HTR7: variants seen among roughly 807,000 people sequenced by gnomAD.
The protein encoded by HTR7 is 5-HT-7.
A neutral mutation model predicts 34.0 loss-of-function variants in HTR7; 16 were observed. That is an observed-to-expected ratio of 0.47 (90% CI 0.32 to 0.71). HTR7 has a LOEUF of 0.71. Ranked by LOEUF, HTR7 falls within the 30% of genes least tolerant of loss-of-function variation. The probability of loss-of-function intolerance (pLI) is 0.04; values close to 1 mark genes in which losing one functional copy is unlikely to be tolerated. For missense variants in HTR7, 504 were observed against 625.5 expected (o/e 0.81, Z 2.07); for synonymous variants, 265 against 260.2 (o/e 1.02, Z -0.18).
intron 1 of HTR7, among the ~76,000 whole-genome samples, chr10:90,776,034 T>C (rs1398485674): frequency 6.6e-6 from 1 of 152,266 alleles, no homozygotes; most frequent in Non-Finnish European, 1.5e-5. Flanking sequence ...GTTTGCATTC[T>C]ATTTCTTGCA....
At position 90,856,376 on chromosome 10, in the gene HTR7, G is replaced by A. The variant is rs1257669636; in HGVS notation, c.539+757C>T. On this transcript the variant is annotated intron_variant, in intron 1 of 3. Coordinates refer to ENST00000336152, the MANE Select transcript of HTR7 (RefSeq NM_019859.4). ...CCTTACAGCCTGAAGAAACCCTGTG[G>A]GTCTCCTAGTTCAATATGACACCCA... 1.3e-5 allele frequency among the ~76,000 whole-genome samples: 2 copies of A among 152,078 alleles called. 1 individual carries two copies. Among genetic ancestry groups the A allele is most frequent in the African/African-American group, 4.8e-5 (2 of 41,378 alleles).
chr10:90,804,200 C>A (rs114607319), intron 1 of HTR7, among the ~76,000 whole-genome samples: 2,781 of 152,210 alleles, frequency 0.018, 81 homozygotes, highest in African/African-American at 0.064. Flanking sequence ...CCCGCACCAT[C>A]CCCTTTCCAG....
At chr10:90,824,326 A>G (rs1846034688) in intron 1 of HTR7, among the ~76,000 whole-genome samples, 1 of 152,148 alleles carries the variant, frequency 6.6e-6, no homozygotes, top group South Asian at 2.1e-4. Context: ...AGGATTAATA[A>G]CCTCCTGACT....
At chr10:90,832,278 G>A (rs1267515377) in intron 1 of HTR7, among the ~76,000 whole-genome samples, 1 of 152,208 alleles carries the variant, frequency 6.6e-6, no homozygotes, top group African/African-American at 2.4e-5. Flanking sequence ...GGTGGGTGTA[G>A]GGGAGACCCA....
At chr10:90,802,664 C>G (rs1337086481) in intron 1 of HTR7, among the ~76,000 whole-genome samples, 1 of 152,178 alleles carries the variant, frequency 6.6e-6, no homozygotes, top group East Asian at 1.9e-4. Flanking sequence ...CTTTAAAGAG[C>G]AAAATCTGAC....
At chr10:90,807,894 C>A in intron 1 of HTR7, among the ~76,000 whole-genome samples, 1 of 152,146 alleles carries the variant, frequency 6.6e-6, no homozygotes. Flanking sequence ...GAGTAAGCGG[C>A]CTCTTCTTAC....
chr10:90,744,300 G>C (rs1397823083), intron 2 of HTR7, among the ~76,000 whole-genome samples: 1 of 150,110 alleles, frequency 6.7e-6, no homozygotes, highest in Non-Finnish European at 1.5e-5. Context: ...GACTTCAACT[G>C]TCCCTTACTC....
In HTR7 at chr10:90,748,940, C is replaced by T; in HGVS notation, c.1194G>A (p.Leu398=). Reference sequence around the variant, plus strand: ...TGATATTCCGGTACTGGCACTGGAGCAGGCTGCGATAGGTGGTCCTCAGGT... The same window carrying T: ...TGATATTCCGGTACTGGCACTGGAGTAGGCTGCGATAGGTGGTCCTCAGGT... ...NRDLRTTYRS[L]LQCQYRNINR... The change falls in exon 2 of 4, where the codon CTG becomes CTA. Residue 398 remains leucine, a synonymous_variant. Transcript: ENST00000336152. 1 of 1,614,146 alleles carries T rather than the reference C, an allele frequency of 6.2e-7. No individual in the cohort carries two copies. The highest frequency in any genetic ancestry group is 8.5e-7 in the Non-Finnish European group (1 of 1,180,010).
At chr10:90,799,587 G>A (rs1215782296) in intron 1 of HTR7, among the ~76,000 whole-genome samples, 1 of 152,008 alleles carries the variant, frequency 6.6e-6, no homozygotes, top group Non-Finnish European at 1.5e-5. Flanking sequence ...ATCATCTCCT[G>A]TACCCCTCAA....
chr10:90,759,933 A>T (rs1016577222), intron 1 of HTR7, among the ~76,000 whole-genome samples: 1 of 152,222 alleles, frequency 6.6e-6, no homozygotes, highest in African/African-American at 2.4e-5. Context: ...GTTTATACAA[A>T]TCCAACCTCC....
At chr10:90,799,025 A>G (rs1845582750) in intron 1 of HTR7, among the ~76,000 whole-genome samples, 1 of 152,220 alleles carries the variant, frequency 6.6e-6, no homozygotes, top group Admixed American at 6.5e-5. Context: ...CCTGGGGATA[A>G]CATCACTATT....
intron 1 of HTR7, among the ~76,000 whole-genome samples, chr10:90,788,371 TC>T (rs1845414125): frequency 6.6e-6 from 1 of 152,164 alleles, no homozygotes; most frequent in African/African-American, 2.4e-5. Context: ...TTCTGGAAAA[TC>T]CATGATTATG....
intron 1 of HTR7, among the ~76,000 whole-genome samples, chr10:90,839,566 TGA>T (rs1846297960): frequency 2.6e-5 from 4 of 152,302 alleles, no homozygotes; most frequent in Non-Finnish European, 5.9e-5. Context: ...ACAGAGGCCA[TGA>T]TGAAAGTGAT....
chr10:90,807,148 T>G (rs1482833334), intron 1 of HTR7, among the ~76,000 whole-genome samples: 1 of 152,196 alleles, frequency 6.6e-6, no homozygotes. Context: ...ATGTGTAGGT[T>G]GATGCAGGAC....
chr10:90,835,012 G>A (rs953795524), intron 1 of HTR7, among the ~76,000 whole-genome samples: 6 of 152,172 alleles, frequency 3.9e-5, no homozygotes, highest in Non-Finnish European at 8.8e-5. Context: ...TTCCCTGGAA[G>A]AAGAATCAAG....
intron 1 of HTR7, among the ~76,000 whole-genome samples, chr10:90,830,100 A>T (rs528666050): frequency 6.6e-6 from 1 of 152,324 alleles, no homozygotes; most frequent in South Asian, 2.1e-4. Flanking sequence ...TTTGACAAAT[A>T]TTTATTGACT....
chr10:90,829,381 AT>A (rs770862992), intron 1 of HTR7, among the ~76,000 whole-genome samples: 169 of 149,602 alleles, frequency 1.1e-3, no homozygotes, highest in Admixed American at 1.6e-3. Context: ...TTGTCAAATC[AT>A]TTTTTTTTTA....
chr10:90,742,940 G>GT (rs1844577043), intron 3 of HTR7, among the ~76,000 whole-genome samples: 2 of 152,284 alleles, frequency 1.3e-5, no homozygotes, highest in South Asian at 4.1e-4. Flanking sequence ...TTATTGTAAG[G>GT]TATGTGTGTA....
intron 2 of HTR7, among the ~76,000 whole-genome samples, chr10:90,745,380 A>C (rs996148286): frequency 6.6e-6 from 1 of 152,164 alleles, no homozygotes; most frequent in Non-Finnish European, 1.5e-5. Flanking sequence ...AATCCCATTC[A>C]TGAGGGCCCT....
Sources: gnomAD v4.1 joint callset for allele counts (sites outside exome capture counted in the v4.1 genomes callset) on GRCh38, gnomAD v4.1.1 for gene constraint, MANE v1.5 for transcripts, NCBI Gene and HGNC (gene_info 2026-07-23, HGNC 2026-07-21) for gene names.